The following INPP4A variants were observed in gnomAD, a reference collection of about 807,000 sequenced individuals.
INPP4A encodes the protein inositol polyphosphate-4-phosphatase type I A.
Under a neutral mutation model 119.8 loss-of-function variants are expected in INPP4A, and 33 were observed. The observed-to-expected ratio is 0.28, with a 90% CI of 0.21 to 0.37. The LOEUF (loss-of-function observed/expected upper bound fraction) is 0.37. INPP4A is among the 10% of genes least tolerant of loss of function. The pLI is 1.00. For missense variants in INPP4A, 956 were observed against 1,289.9 expected, an observed-to-expected ratio of 0.74 and a Z score of 3.97; for synonymous variants, 496 against 500.7, an observed-to-expected ratio of 0.99 and a Z score of 0.12.
Position 98,520,730 on chromosome 2 carries a change from A to G in INPP4A, c.150A>G (p.Leu50=). ...DPDEPILEFS[L]ACSELHTPSL... ...ATGAGCCCATTTTAGAATTTAGCTT[A>G]GGTAGGTATCTTTCATTATTTTTTT... Residue 50 remains leucine (L), a splice_region_variant and synonymous_variant, in exon 4 of 25, where the codon TTA becomes TTG. Transcript: ENST00000409851. The G allele has an allele frequency of 6.9e-7, 1 of 1,452,454 alleles. No individual in the cohort carries two copies. The highest frequency in any genetic ancestry group is 9.4e-7 in the Non-Finnish European group (1 of 1,066,126). 90.0% of individuals were successfully genotyped at this position (1,452,454 alleles called of 1,614,324 possible).
At chr2:98,556,116 A>G in intron 16 of INPP4A, 2 of 350,282 alleles carry the variant, frequency 5.7e-6, no homozygotes, top group Non-Finnish European at 1.0e-5. Context: ...TTGTAAAGCA[A>G]TCTGAGAACC....
At chr2:98,537,806 C>A in intron 7 of INPP4A, 57 bp from the exon 8 acceptor site, 2 of 1,330,902 alleles carry the variant, frequency 1.5e-6, no homozygotes, top group Non-Finnish European at 2.1e-6. Context: ...CTTTGTATTT[C>A]AGCAGAAAAG....
intron 1 of INPP4A, among the ~76,000 whole-genome samples, chr2:98,483,323 G>T (rs1678860302): frequency 6.6e-6 from 1 of 152,110 alleles, no homozygotes; most frequent in Non-Finnish European, 1.5e-5. Context: ...ACTAGTTTTC[G>T]TGCTAGGAGA....
chr2:98,457,323 C>A (rs113554049), intron 1 of INPP4A, among the ~76,000 whole-genome samples: 5 of 152,094 alleles, frequency 3.3e-5, no homozygotes, highest in African/African-American at 4.8e-5. Context: ...CTTGGGAGAC[C>A]GAGGCAGGAG....
intron 1 of INPP4A, among the ~76,000 whole-genome samples, chr2:98,452,506 CTT>C (rs1284438015): frequency 6.6e-6 from 1 of 152,196 alleles, no homozygotes; most frequent in African/African-American, 2.4e-5. Context: ...ACAGGGCTGA[CTT>C]TTCCTGAGGA....
At chr2:98,540,101 T>C (rs1691135459) in intron 10 of INPP4A, among the ~76,000 whole-genome samples, 1 of 152,088 alleles carries the variant, frequency 6.6e-6, no homozygotes, top group Non-Finnish European at 1.5e-5. Flanking sequence ...CTGGCTAATT[T>C]TTGTATTTTT....
At chr2:98,583,917 G>GAGC (rs1266928520) in intron 24 of INPP4A, among the ~76,000 whole-genome samples, 1 of 152,224 alleles carries the variant, frequency 6.6e-6, no homozygotes, top group Non-Finnish European at 1.5e-5. Context: ...AGACCATCAT[G>GAGC]AGCACTGCAG....
In INPP4A at chr2:98,587,538, C is replaced by T; in HGVS notation, c.2849C>T (p.Ser950Phe). Residue 950 changes from serine (S) to phenylalanine (F), a missense_variant, in exon 25 of 25, where the codon TCC becomes TTC. Around this residue, in one of 2 missense-constraint regions of INPP4A, gnomAD observed 304 missense variants for 492.1 expected, o/e 0.62. Coordinates refer to ENST00000409851, the MANE Select transcript of INPP4A (RefSeq NM_001134225.2). ...GGAAGTCGCAAATATGCATTTAATT[C>T]CCTGCAGCTGAAGGCTTTCCCCAAG... ...NVGSRKYAFN[S>F]LQLKAFPKHY... 1 of 1,610,338 alleles carries T rather than the reference C, an allele frequency of 6.2e-7. No individual in the cohort carries two copies. The highest frequency in any genetic ancestry group is 8.5e-7 in the Non-Finnish European group (1 of 1,178,706).
intron 1 of INPP4A, among the ~76,000 whole-genome samples, chr2:98,497,929 A>C (rs889162936): frequency 3.3e-5 from 5 of 152,182 alleles, no homozygotes; most frequent in Non-Finnish European, 7.4e-5. Context: ...TGTTTACCCA[A>C]TACCTGCACC....
chr2:98,565,902 C>A (rs1696343194), intron 20 of INPP4A, 127 bp from the exon 21 acceptor site: 1 of 1,491,676 alleles, frequency 6.7e-7, no homozygotes, highest in South Asian at 1.3e-5. Context: ...TAGGTTAGTG[C>A]CACTCCCTTA....
intron 11 of INPP4A, among the ~76,000 whole-genome samples, chr2:98,544,959 C>T (rs1315323507): frequency 6.6e-6 from 1 of 152,214 alleles, no homozygotes; most frequent in Non-Finnish European, 1.5e-5. Context: ...ATGCCTCTTA[C>T]CTGGGAAAGT....
At chr2:98,505,308 G>T (rs1235649882) in intron 1 of INPP4A, among the ~76,000 whole-genome samples, 1 of 152,208 alleles carries the variant, frequency 6.6e-6, no homozygotes, top group East Asian at 1.9e-4. Flanking sequence ...GAAAAGTACT[G>T]GGCGAGCCTT....
intron 1 of INPP4A, among the ~76,000 whole-genome samples, chr2:98,463,088 C>T (rs186744206): frequency 2.2e-4 from 33 of 152,208 alleles, no homozygotes; most frequent in African/African-American, 7.5e-4. Flanking sequence ...ATGATCTGCC[C>T]GCCTCGGCCT....
At chr2:98,523,088 A>G (rs574205657) in intron 4 of INPP4A, among the ~76,000 whole-genome samples, 2 of 152,328 alleles carry the variant, frequency 1.3e-5, no homozygotes, top group Admixed American at 1.3e-4. Context: ...CACAAGAGAG[A>G]AGTGGAAGGA....
chr2:98,525,867 T>C (rs1426116847), intron 4 of INPP4A, among the ~76,000 whole-genome samples: 1 of 152,202 alleles, frequency 6.6e-6, no homozygotes, highest in African/African-American at 2.4e-5. Context: ...ACTGGAACTT[T>C]TGTATATTGC....
At chr2:98,584,734 A>G (rs1199721814) in intron 24 of INPP4A, among the ~76,000 whole-genome samples, 1 of 152,260 alleles carries the variant, frequency 6.6e-6, no homozygotes, top group Non-Finnish European at 1.5e-5. Flanking sequence ...AAAGGACACC[A>G]TGAGATTAGC....
At chr2:98,541,534 A>G (rs1039003911) in intron 10 of INPP4A, among the ~76,000 whole-genome samples, 1 of 152,154 alleles carries the variant, frequency 6.6e-6, no homozygotes, top group African/African-American at 2.4e-5. Flanking sequence ...TTCAGTTTTT[A>G]TGTTTTAATT....
At chr2:98,470,911 C>A (rs1675880436) in intron 1 of INPP4A, among the ~76,000 whole-genome samples, 1 of 152,098 alleles carries the variant, frequency 6.6e-6, no homozygotes, top group South Asian at 2.1e-4. Context: ...GGTGATCCAC[C>A]CACCTTGGCC....
intron 1 of INPP4A, among the ~76,000 whole-genome samples, chr2:98,471,367 A>G (rs968827810): frequency 1.3e-5 from 2 of 152,228 alleles, no homozygotes; most frequent in African/African-American, 2.4e-5. Flanking sequence ...GTACTTGGCA[A>G]TCTCGCAAAG....
Sources: gnomAD v4.1 joint callset for allele counts (sites outside exome capture counted in the v4.1 genomes callset) on GRCh38, gnomAD v4.1.1 for gene constraint, gnomAD v4.1.1 regional missense constraint, MANE v1.5 for transcripts, NCBI Gene and HGNC (gene_info 2026-07-23, HGNC 2026-07-21) for gene names.